The following IL1RAPL2 variants were observed in gnomAD, a reference collection of about 807,000 sequenced individuals.
IL1RAPL2 encodes the protein interleukin 1 receptor accessory protein like 2.
IL1RAPL2 carries 3 observed loss-of-function variants against 44.1 expected under a neutral mutation model. The observed-to-expected ratio is 0.07, with a 90% confidence interval of 0.03 to 0.18. The LOEUF is 0.18. IL1RAPL2 is among the 10% of genes least tolerant of loss of function. The pLI, the probability that IL1RAPL2 is intolerant of heterozygous loss-of-function variation, is 1.00. For missense variants in IL1RAPL2, 391 were observed against 496.4 expected, an observed-to-expected ratio of 0.79 and a Z score of 2.02; for synonymous variants, 181 against 178.8, an observed-to-expected ratio of 1.01 and a Z score of -0.10.
At chrX:105,321,923 T>A (rs2034900342) in intron 5 of IL1RAPL2, among the ~76,000 whole-genome samples, 1 of 112,850 alleles carries the variant, frequency 8.9e-6, no homozygotes. Flanking sequence ...TTTAAACACT[T>A]AGCAACCATG....
At chrX:105,304,622 A>G (rs1367755271) in intron 5 of IL1RAPL2, among the ~76,000 whole-genome samples, 4 of 111,921 alleles carry the variant, frequency 3.6e-5, no homozygotes, top group Admixed American at 9.5e-5. Context: ...ATCAGTGTCC[A>G]GTGCTACATG....
chrX:105,617,643 C>CTGACAGGT (rs1243294897), intron 6 of IL1RAPL2, among the ~76,000 whole-genome samples: 2 of 111,766 alleles, frequency 1.8e-5, no homozygotes, highest in Non-Finnish European at 3.8e-5. Flanking sequence ...CATAATTTTT[C>CTGACAGGT]TGACAGGCTG....
chrX:104,864,348 A>T (rs1922562770), intron 2 of IL1RAPL2, among the ~76,000 whole-genome samples: 1 of 112,390 alleles, frequency 8.9e-6, no homozygotes, highest in Non-Finnish European at 1.9e-5. Context: ...AACTTCAAGG[A>T]AACTCACTAT....
intron 2 of IL1RAPL2, among the ~76,000 whole-genome samples, chrX:105,102,317 A>T (rs755127406): frequency 9.8e-5 from 11 of 111,876 alleles, no homozygotes; most frequent in Non-Finnish European, 1.9e-4. Flanking sequence ...TATGGCATCC[A>T]GTTGCCTCAG....
At chrX:105,034,022 C>T (rs193137405) in intron 2 of IL1RAPL2, among the ~76,000 whole-genome samples, 41 of 112,152 alleles carry the variant, frequency 3.7e-4, no homozygotes, top group Admixed American at 1.2e-3. Context: ...GCAATGGCTC[C>T]TGAGGCTTCT....
At chrX:105,471,597 CA>C (rs1391025912) in intron 5 of IL1RAPL2, among the ~76,000 whole-genome samples, 1 of 108,786 alleles carries the variant, frequency 9.2e-6, no homozygotes, top group African/African-American at 3.4e-5. Flanking sequence ...TTTTTTCTCC[CA>C]AGCTCTCTGA....
At chrX:105,725,137 ACT>A (rs2038339978) in intron 7 of IL1RAPL2, among the ~76,000 whole-genome samples, 1 of 111,293 alleles carries the variant, frequency 9.0e-6, no homozygotes, top group Admixed American at 9.6e-5. Context: ...GTCAAAAAAG[ACT>A]CCACGAATTT....
chrX:104,987,546 A>AG (rs2030584474), intron 2 of IL1RAPL2, among the ~76,000 whole-genome samples: 1 of 110,435 alleles, frequency 9.1e-6, no homozygotes, highest in South Asian at 3.9e-4. Context: ...TTAATCAGTG[A>AG]GGGGTTTTCT....
At chrX:104,632,471 T>A (rs1379833293) in intron 1 of IL1RAPL2, among the ~76,000 whole-genome samples, 2 of 111,706 alleles carry the variant, frequency 1.8e-5, no homozygotes, top group Non-Finnish European at 1.9e-5. Flanking sequence ...TTCCTACCCA[T>A]GAGCATGGAA....
chrX:105,451,231 A>T (rs187260658), intron 5 of IL1RAPL2, among the ~76,000 whole-genome samples: 52 of 111,581 alleles, frequency 4.7e-4, no homozygotes, highest in Non-Finnish European at 7.7e-4. Context: ...GAACTGTTAG[A>T]ATGAAATAGA....
At chrX:104,690,061 G>A (rs1307731336) in intron 2 of IL1RAPL2, among the ~76,000 whole-genome samples, 4 of 111,519 alleles carry the variant, frequency 3.6e-5, no homozygotes, top group Non-Finnish European at 7.5e-5. Flanking sequence ...AAAATATATG[G>A]TTTTCAAATT....
At chrX:104,907,813 T>A (rs1275867787) in intron 2 of IL1RAPL2, among the ~76,000 whole-genome samples, 1 of 111,034 alleles carries the variant, frequency 9.0e-6, no homozygotes, top group Non-Finnish European at 1.9e-5. Flanking sequence ...TAGATTTCTG[T>A]TATGTCTGCT....
intron 2 of IL1RAPL2, among the ~76,000 whole-genome samples, chrX:104,765,885 A>T (rs1237631815): frequency 8.9e-6 from 1 of 112,342 alleles, no homozygotes; most frequent in African/African-American, 3.2e-5. Context: ...ACAGTCAGGG[A>T]TACCCCCTGA....
At chrX:104,957,366 G>A (rs939928006) in intron 2 of IL1RAPL2, among the ~76,000 whole-genome samples, 7 of 111,987 alleles carry the variant, frequency 6.3e-5, no homozygotes, top group African/African-American at 2.3e-4. Flanking sequence ...TTGCCCTCTT[G>A]TCTTTGGATG....
intron 2 of IL1RAPL2, among the ~76,000 whole-genome samples, chrX:105,187,084 A>G (rs1402539639): frequency 2.7e-5 from 3 of 111,727 alleles, no homozygotes; most frequent in Non-Finnish European, 3.8e-5. Context: ...GCTGAACTCT[A>G]TCTGGTTCTT....
At chrX:105,172,775 T>A (rs1375816626) in intron 2 of IL1RAPL2, among the ~76,000 whole-genome samples, 1 of 111,293 alleles carries the variant, frequency 9.0e-6, no homozygotes, top group Non-Finnish European at 1.9e-5. Context: ...AGAAGTAATA[T>A]CCTGTTCACA....
intron 2 of IL1RAPL2, among the ~76,000 whole-genome samples, chrX:104,664,117 T>C (rs1279654954): frequency 9.0e-6 from 1 of 111,293 alleles, no homozygotes; most frequent in Non-Finnish European, 1.9e-5. Flanking sequence ...GGTAGAACAT[T>C]TCTGGAGTTT....
chrX:105,757,109 A>G (rs2038646006), intron 10 of IL1RAPL2, among the ~76,000 whole-genome samples: 1 of 111,761 alleles, frequency 8.9e-6, no homozygotes, highest in Non-Finnish European at 1.9e-5. Context: ...TTGCCAGCCC[A>G]GATTTATCTC....
intron 5 of IL1RAPL2, among the ~76,000 whole-genome samples, chrX:105,465,167 A>G (rs2036119485): frequency 8.9e-6 from 1 of 112,371 alleles, no homozygotes; most frequent in Non-Finnish European, 1.9e-5. Flanking sequence ...GCATTAAAGC[A>G]AAATCATTTT....
Sources: gnomAD v4.1 joint callset for allele counts (sites outside exome capture counted in the v4.1 genomes callset) on GRCh38, gnomAD v4.1.1 for gene constraint, MANE v1.5 for transcripts, NCBI Gene and HGNC (gene_info 2026-07-23, HGNC 2026-07-21) for gene names.